The following CORO2B variants were observed in gnomAD, a reference collection of about 807,000 sequenced individuals.
The protein encoded by CORO2B is coronin 2B, also known as coronin-2B.
A neutral mutation model predicts 58.8 loss-of-function variants in CORO2B; 26 were observed. That is an observed-to-expected ratio of 0.44 (90% CI 0.32 to 0.61). The LOEUF is 0.61. CORO2B is among the 20% of genes least tolerant of loss of function. The pLI is 0.04. For synonymous variants in CORO2B, 242 were observed against 253.8 expected (o/e 0.95, Z 0.44); for missense variants, 460 against 645.1 (o/e 0.71, Z 3.11).
At chr15:68,656,040 C>T (rs1469473230) in intron 2 of CORO2B, among the ~76,000 whole-genome samples, 2 of 152,212 alleles carry the variant, frequency 1.3e-5, no homozygotes, top group Non-Finnish European at 2.9e-5. Flanking sequence ...GCTTCCAGAA[C>T]AATGGCTGCC....
intron 1 of CORO2B, among the ~76,000 whole-genome samples, chr15:68,630,421 T>TG (rs1900796638): frequency 1.7e-5 from 2 of 120,316 alleles, no homozygotes. Context: ...CGAAATGAAA[T>TG]GTTTTTTTTT....
the CORO2B span, among the ~76,000 whole-genome samples, chr15:68,522,374 A>G: frequency 2.0e-5 from 3 of 152,220 alleles, 1 homozygote; most frequent in Admixed American, 2.0e-4. Flanking sequence ...TATCTCTTAT[A>G]TGCTCTTTAA....
At chr15:68,604,147 C>T (rs557071161) in intron 1 of CORO2B, among the ~76,000 whole-genome samples, 18 of 152,272 alleles carry the variant, frequency 1.2e-4, no homozygotes, top group Middle Eastern at 6.8e-3. Flanking sequence ...AGGCATGAGC[C>T]GCCCCTCGTC....
the CORO2B span, among the ~76,000 whole-genome samples, chr15:68,564,355 G>C: frequency 5.9e-5 from 9 of 151,622 alleles, no homozygotes; most frequent in African/African-American, 2.2e-4. Flanking sequence ...CCAGGCTGCA[G>C]TGGGGTAGAG....
chr15:68,706,008 G>C (rs1892775024), intron 3 of CORO2B, among the ~76,000 whole-genome samples: 1 of 152,160 alleles, frequency 6.6e-6, no homozygotes, highest in Non-Finnish European at 1.5e-5. Flanking sequence ...GTAACCCAGA[G>C]ATGCCTCAGT....
chr15:68,691,272 G>A (rs1276242596), intron 2 of CORO2B, among the ~76,000 whole-genome samples: 1 of 146,654 alleles, frequency 6.8e-6, no homozygotes, highest in African/African-American at 2.5e-5. Context: ...AGAGCTTGCA[G>A]TGAGCCGAGA....
At chr15:68,561,138 G>T in the CORO2B span, among the ~76,000 whole-genome samples, 1 of 152,250 alleles carries the variant, frequency 6.6e-6, no homozygotes, top group South Asian at 2.1e-4. Context: ...TGGGTCCCAG[G>T]AAAGGGAGCT....
chr15:68,700,798 G>A (rs1241663605), intron 3 of CORO2B, among the ~76,000 whole-genome samples: 1 of 24,506 alleles, frequency 4.1e-5, no homozygotes, highest in African/African-American at 7.2e-5. Flanking sequence ...GGGGCCAGCA[G>A]CCGCGGAGAG....
At chr15:68,607,395 A>G (rs1192258229) in intron 1 of CORO2B, among the ~76,000 whole-genome samples, 5 of 152,192 alleles carry the variant, frequency 3.3e-5, no homozygotes, top group Non-Finnish European at 5.9e-5. Flanking sequence ...CTCCAGGAGC[A>G]AGTGTTCCAA....
intron 1 of CORO2B, among the ~76,000 whole-genome samples, chr15:68,602,414 C>CAT (rs1221174493): frequency 4.2e-5 from 6 of 144,208 alleles, no homozygotes; most frequent in Admixed American, 2.0e-4. Context: ...TGATCACACA[C>CAT]ACACACACAC....
At chr15:68,552,411 G>C in the CORO2B span, among the ~76,000 whole-genome samples, 13 of 139,074 alleles carry the variant, frequency 9.3e-5, no homozygotes, top group African/African-American at 3.2e-4. Flanking sequence ...TCTAAACACT[G>C]GTGCAATCTA....
the CORO2B span, among the ~76,000 whole-genome samples, chr15:68,560,418 T>C: frequency 0.02 from 2,986 of 152,044 alleles, 30 homozygotes; most frequent in Non-Finnish European, 0.03. Context: ...CCCCAGTGTC[T>C]GGAGTAGCTG....
At chr15:68,617,863 C>T (rs753153879) in intron 1 of CORO2B, among the ~76,000 whole-genome samples, 1 of 152,114 alleles carries the variant, frequency 6.6e-6, no homozygotes, top group Non-Finnish European at 1.5e-5. Context: ...GAGATTGTGG[C>T]TGAATGTGGG....
At chr15:68,654,461 A>G (rs1190920793) in intron 2 of CORO2B, among the ~76,000 whole-genome samples, 1 of 152,224 alleles carries the variant, frequency 6.6e-6, no homozygotes, top group Non-Finnish European at 1.5e-5. Context: ...AAGTCAAGCC[A>G]TGGGCCCTAA....
At chr15:68,620,473 C>CTGAG (rs1900486039) in intron 1 of CORO2B, among the ~76,000 whole-genome samples, 1 of 152,174 alleles carries the variant, frequency 6.6e-6, no homozygotes, top group African/African-American at 2.4e-5. Flanking sequence ...AATGACTAAA[C>CTGAG]TGAGGCCCAG....
intron 2 of CORO2B, among the ~76,000 whole-genome samples, chr15:68,670,911 AT>A (rs1204967855): frequency 6.6e-6 from 1 of 152,166 alleles, no homozygotes; most frequent in African/African-American, 2.4e-5. Context: ...TAACAAAAGC[AT>A]TTTTTTAAAG....
At chr15:68,633,510 A>AAC (rs1322123149) in intron 1 of CORO2B, among the ~76,000 whole-genome samples, 3 of 51,756 alleles carry the variant, frequency 5.8e-5, no homozygotes, top group African/African-American at 8.5e-5. Context: ...TGGTTACTCC[A>AAC]ACATACACAC....
At chr15:68,682,575 G>T (rs1467743432) in intron 2 of CORO2B, among the ~76,000 whole-genome samples, 2 of 152,158 alleles carry the variant, frequency 1.3e-5, no homozygotes, top group Non-Finnish European at 2.9e-5. Flanking sequence ...CTGTGCTGAG[G>T]ACTGCTGGGC....
chr15:68,705,311 G>A (rs111967342), intron 3 of CORO2B, among the ~76,000 whole-genome samples: 4,794 of 151,882 alleles, frequency 0.032, 230 homozygotes, highest in African/African-American at 0.11. Flanking sequence ...GGTGGTGGGC[G>A]CCTATAATCC....
Sources: gnomAD v4.1 joint callset for allele counts (sites outside exome capture counted in the v4.1 genomes callset) on GRCh38, gnomAD v4.1.1 for gene constraint, MANE v1.5 for transcripts, NCBI Gene and HGNC (gene_info 2026-07-23, HGNC 2026-07-21) for gene names.